The following RAC1 variants were observed in gnomAD, a reference collection of about 807,000 sequenced individuals.
The protein encoded by RAC1 is ras-related C3 botulinum toxin substrate 1.
A neutral mutation model predicts 25.2 loss-of-function variants in RAC1; 2 were observed. The observed-to-expected ratio is 0.08, with a 90% CI of 0.03 to 0.25. The LOEUF (loss-of-function observed/expected upper bound fraction) is 0.25. Among genes scored for constraint, RAC1 ranks in the 10% least tolerant of loss-of-function variants. The pLI, the probability that RAC1 is intolerant of heterozygous loss-of-function variation, is 1.00. For missense variants in RAC1, 50 were observed against 235.7 expected (o/e 0.21, Z 5.16); for synonymous variants, 88 against 94.0 (o/e 0.94, Z 0.37).
At position 6,374,785 on chromosome 7, in the gene RAC1, G is replaced by A. The variant is rs1238437586; in HGVS notation, c.35+15G>A. 1.9e-5 allele frequency: 21 copies of A among 1,127,452 alleles called. No homozygotes were observed. The highest frequency in any genetic ancestry group is 2.3e-5 in the Non-Finnish European group (21 of 916,842). The allele number at this position is 1,127,452 out of a possible 1,614,324, so 69.8% of individuals were successfully genotyped here. A position where few individuals can be genotyped will look rare whatever the true frequency, so the allele number is the denominator to read the frequency against. Reference sequence around the variant, plus strand: ...GTGGGAGACGGGTGAGTGCGCGGCCGGGGCCGGGCTGGAGGCCGCGGGATC... The same window carrying A: ...GTGGGAGACGGGTGAGTGCGCGGCCAGGGCCGGGCTGGAGGCCGCGGGATC... On this transcript the variant is annotated intron_variant, in intron 1 of 5. Transcript: ENST00000348035.
chr7:6,399,830 A>G lies in RAC1; in HGVS notation c.226-296A>G, dbSNP rs188101650. The G allele has an allele frequency of 1.5e-3, 573 of 380,256 alleles. 1 individual carries two copies. Among genetic ancestry groups the G allele is most frequent in the Non-Finnish European group, 2.0e-3 (420 of 211,004 alleles). 23.6% of individuals were successfully genotyped at this position (380,256 alleles called of 1,614,324 possible). A position where few individuals can be genotyped will look rare whatever the true frequency, so the allele number is the denominator to read the frequency against. ...CTTGATTTTTTCATTTTAGATAGTTAGGCGTAAAGGAAGCCTCCTGAGGGT... is the reference window on the plus strand; with the variant it reads ...CTTGATTTTTTCATTTTAGATAGTTGGGCGTAAAGGAAGCCTCCTGAGGGT... On this transcript the variant is annotated intron_variant, in intron 3 of 5. Coordinates refer to ENST00000348035, the MANE Select transcript of RAC1 (RefSeq NM_006908.5).
intron 3 of RAC1, among the ~76,000 whole-genome samples, chr7:6,394,943 C>T (rs1783189310): frequency 6.6e-6 from 1 of 152,164 alleles, no homozygotes; most frequent in Non-Finnish European, 1.5e-5. Context: ...CAAGCTTCAC[C>T]TCCTGGGTTC....
intron 1 of RAC1, among the ~76,000 whole-genome samples, chr7:6,384,913 C>G (rs1342281619): frequency 6.6e-6 from 1 of 152,066 alleles, no homozygotes. Flanking sequence ...TCAAGTGATC[C>G]TCGTGCCTCA....
chr7:6,388,857 T>C (rs1451339313), intron 2 of RAC1, among the ~76,000 whole-genome samples: 1 of 152,180 alleles, frequency 6.6e-6, no homozygotes, highest in African/African-American at 2.4e-5. Flanking sequence ...ACTTGATAGA[T>C]TATTAGAAGC....
At chr7:6,394,722 C>T (rs998375346) in intron 3 of RAC1, among the ~76,000 whole-genome samples, 7 of 152,224 alleles carry the variant, frequency 4.6e-5, no homozygotes, top group African/African-American at 1.7e-4. Context: ...CTCTTGTTGC[C>T]CAGGCTGGAG....
At chr7:6,389,168 C>T (rs1441987832) in intron 2 of RAC1, among the ~76,000 whole-genome samples, 2 of 150,466 alleles carry the variant, frequency 1.3e-5, no homozygotes, top group Non-Finnish European at 3.0e-5. Flanking sequence ...TGCCACTGCA[C>T]TTCAGCCTGG....
At chr7:6,389,877 A>C (rs1783037552) in intron 2 of RAC1, among the ~76,000 whole-genome samples, 1 of 151,882 alleles carries the variant, frequency 6.6e-6, no homozygotes, top group South Asian at 2.1e-4. Context: ...GTCTGTTTAA[A>C]TCTTTTGTAT....
At chr7:6,392,697 C>T (rs1315968281) in intron 3 of RAC1, among the ~76,000 whole-genome samples, 2 of 152,164 alleles carry the variant, frequency 1.3e-5, no homozygotes, top group African/African-American at 4.8e-5. Flanking sequence ...AGTTACTTTT[C>T]TTTAAGCAGC....
intron 2 of RAC1, among the ~76,000 whole-genome samples, chr7:6,390,320 AC>A (rs993075430): frequency 2.5e-4 from 38 of 150,742 alleles, no homozygotes; most frequent in Middle Eastern, 3.4e-3. Context: ...ATACCACCTT[AC>A]CCGGGCACGG....
At chr7:6,377,011 C>T (rs1782623184) in intron 1 of RAC1, among the ~76,000 whole-genome samples, 1 of 151,958 alleles carries the variant, frequency 6.6e-6, no homozygotes, top group African/African-American at 2.4e-5. Context: ...AGCACATCCC[C>T]CACCTCCCAA....
chr7:6,380,668 C>G (rs1380317549), intron 1 of RAC1, among the ~76,000 whole-genome samples: 1 of 152,136 alleles, frequency 6.6e-6, no homozygotes, highest in Non-Finnish European at 1.5e-5. Context: ...TATTTTCCTG[C>G]AATGTCTTAA....
At chr7:6,381,764 G>GTTTTAT (rs1459739566) in intron 1 of RAC1, among the ~76,000 whole-genome samples, 1 of 151,872 alleles carries the variant, frequency 6.6e-6, no homozygotes, top group East Asian at 1.9e-4. Context: ...TTTTAGATTG[G>GTTTTAT]GTTTTGTGTT....
intron 4 of RAC1, among the ~76,000 whole-genome samples, chr7:6,401,332 A>G (rs1338504873): frequency 3.3e-5 from 5 of 152,184 alleles, no homozygotes; most frequent in African/African-American, 1.2e-4. Flanking sequence ...AGGCACTCAG[A>G]ATTGGTCTAA....
At chr7:6,379,565 A>G (rs1782706095) in intron 1 of RAC1, among the ~76,000 whole-genome samples, 1 of 151,812 alleles carries the variant, frequency 6.6e-6, no homozygotes, top group Non-Finnish European at 1.5e-5. Context: ...ATGAGCCACT[A>G]CGCCTGGCAA....
chr7:6,397,241 AAAAAAAAAAAAG>A (rs1783267719), intron 3 of RAC1, among the ~76,000 whole-genome samples: 1 of 36,554 alleles, frequency 2.7e-5, no homozygotes. Flanking sequence ...ACTCTGTCTC[AAAAAAAAAAAAG>A]AAAAAAAAGA....
chr7:6,381,448 A>G (rs1196039706), intron 1 of RAC1, among the ~76,000 whole-genome samples: 1 of 144,834 alleles, frequency 6.9e-6, no homozygotes, highest in Non-Finnish European at 1.5e-5. Flanking sequence ...GCTGGAGTGC[A>G]GTGGCACGAA....
intron 4 of RAC1, 168 bp from the exon 5 acceptor site, chr7:6,401,700 C>T (rs1783407804): frequency 6.6e-6 from 4 of 603,440 alleles, no homozygotes; most frequent in Middle Eastern, 5.3e-4. Context: ...CTGAGATGTT[C>T]CTTATGGCTC....
intron 3 of RAC1, among the ~76,000 whole-genome samples, chr7:6,393,497 A>G (rs1043978541): frequency 6.6e-6 from 1 of 152,154 alleles, no homozygotes; most frequent in Non-Finnish European, 1.5e-5. Flanking sequence ...CAGTAAGTCA[A>G]GGGTGACTTG....
At chr7:6,378,765 C>T (rs1189614311) in intron 1 of RAC1, among the ~76,000 whole-genome samples, 2 of 151,908 alleles carry the variant, frequency 1.3e-5, no homozygotes, top group African/African-American at 2.4e-5. Context: ...GGACCTTTGC[C>T]CCAAGATTTT....
Sources: gnomAD v4.1 joint callset for allele counts (sites outside exome capture counted in the v4.1 genomes callset) on GRCh38, gnomAD v4.1.1 for gene constraint, MANE v1.5 for transcripts, NCBI Gene and HGNC (gene_info 2026-07-23, HGNC 2026-07-21) for gene names.